IGFBP2: variants seen among roughly 807,000 people sequenced by gnomAD.
The protein encoded by IGFBP2 is insulin-like growth factor-binding protein 2.
A neutral mutation model predicts 26.2 loss-of-function variants in IGFBP2; 12 were observed. The ratio of observed to expected loss-of-function variants is 0.46; its 90% CI spans 0.29 to 0.74. IGFBP2 has a LOEUF of 0.74. Ranked by LOEUF, IGFBP2 falls within the 30% of genes least tolerant of loss-of-function variation. The probability of loss-of-function intolerance (pLI) is 0.09; values close to 1 mark genes in which losing one functional copy is unlikely to be tolerated. For missense variants in IGFBP2, 328 were observed against 441.2 expected (o/e 0.74, Z 2.30); for synonymous variants, 189 against 200.6 (o/e 0.94, Z 0.49).
intron 1 of IGFBP2, among the ~76,000 whole-genome samples, chr2:216,654,070 C>G (rs1574563687): frequency 1.3e-5 from 2 of 152,246 alleles, no homozygotes; most frequent in East Asian, 1.9e-4. Flanking sequence ...ACTTAACTCT[C>G]TTAGGCAGAA....
At chr2:216,655,096 G>A (rs1408689618) in intron 1 of IGFBP2, among the ~76,000 whole-genome samples, 1 of 152,150 alleles carries the variant, frequency 6.6e-6, no homozygotes, top group Non-Finnish European at 1.5e-5. Flanking sequence ...CACCCAGGCT[G>A]GAGTGCAGTG....
chr2:216,653,869 G>GCTA (rs1697871241), intron 1 of IGFBP2, among the ~76,000 whole-genome samples: 1 of 152,130 alleles, frequency 6.6e-6, no homozygotes. Context: ...GGGAAGAAGA[G>GCTA]CTAATGCTTA....
chr2:216,646,135 T>C (rs766956830), intron 1 of IGFBP2, among the ~76,000 whole-genome samples: 2 of 152,252 alleles, frequency 1.3e-5, no homozygotes, highest in Non-Finnish European at 2.9e-5. Flanking sequence ...TGGACATCTT[T>C]GCAGGTTTTA....
intron 1 of IGFBP2, 150 bp downstream of exon 1, chr2:216,634,115 G>A (rs1697444155): frequency 1.5e-6 from 2 of 1,306,860 alleles, no homozygotes; most frequent in Non-Finnish European, 2.0e-6. Context: ...GGACGCGGAA[G>A]TCAGGCCCGG....
intron 1 of IGFBP2, among the ~76,000 whole-genome samples, chr2:216,648,978 G>A (rs1409531515): frequency 3.9e-5 from 6 of 152,166 alleles, no homozygotes; most frequent in Admixed American, 3.9e-4. Context: ...AATAACACAA[G>A]TCTACCACCC....
intron 1 of IGFBP2, among the ~76,000 whole-genome samples, chr2:216,654,336 T>C (rs1287450112): frequency 6.6e-6 from 1 of 152,210 alleles, no homozygotes; most frequent in Non-Finnish European, 1.5e-5. Context: ...GCCCTCTCTG[T>C]AGATGCAGGC....
chr2:216,647,467 T>A (rs1361450246), intron 1 of IGFBP2, among the ~76,000 whole-genome samples: 1 of 152,190 alleles, frequency 6.6e-6, no homozygotes, highest in Non-Finnish European at 1.5e-5. Flanking sequence ...ACCAGAAGAC[T>A]TTACCCAGCA....
chr2:216,656,747 A>G (rs912589851), intron 1 of IGFBP2, among the ~76,000 whole-genome samples: 6 of 152,230 alleles, frequency 3.9e-5, no homozygotes, highest in South Asian at 2.1e-4. Context: ...TAGCCATAAT[A>G]GAGACTGTCT....
chr2:216,660,524 C>T (rs748496938), intron 1 of IGFBP2, 33 bp from the exon 2 acceptor site: 244 of 1,534,628 alleles, frequency 1.6e-4, no homozygotes, highest in Non-Finnish European at 2.1e-4. Flanking sequence ...GGAAACTGGA[C>T]CTGGAGCTTT....
intron 1 of IGFBP2, among the ~76,000 whole-genome samples, chr2:216,655,276 T>C (rs1474238734): frequency 6.6e-6 from 1 of 152,108 alleles, no homozygotes; most frequent in African/African-American, 2.4e-5. Flanking sequence ...CCAAATGTCA[T>C]CTTGAATTGT....
intron 1 of IGFBP2, among the ~76,000 whole-genome samples, chr2:216,656,492 C>T (rs1488300100): frequency 6.6e-6 from 1 of 152,254 alleles, no homozygotes; most frequent in Non-Finnish European, 1.5e-5. Flanking sequence ...GAGTGATTCT[C>T]ACCCTGGGCA....
At chr2:216,658,803 C>T (rs1697971770) in intron 1 of IGFBP2, among the ~76,000 whole-genome samples, 1 of 152,298 alleles carries the variant, frequency 6.6e-6, no homozygotes, top group Non-Finnish European at 1.5e-5. Context: ...CCACATGCCT[C>T]AGCCTCCCAA....
chr2:216,642,463 C>T (rs956481416), intron 1 of IGFBP2, among the ~76,000 whole-genome samples: 13 of 151,264 alleles, frequency 8.6e-5, no homozygotes, highest in South Asian at 2.1e-4. Context: ...CACGCCGCCA[C>T]GCTCGGCTAA....
chr2:216,642,886 G>T (rs1336493180), intron 1 of IGFBP2, among the ~76,000 whole-genome samples: 1 of 152,176 alleles, frequency 6.6e-6, no homozygotes. Context: ...CAGAGCTCTG[G>T]AGAATCCCTG....
Position 216,663,936 on chromosome 2 carries a change from C to G in IGFBP2, c.814-4C>G, listed in dbSNP as rs751948399. ...TCCTCCATGCTCTTCTCCTCTCTCC[C>G]CAGTGCAAGATGTCTCTGAACGGGC... On this transcript the variant is annotated splice_region_variant and splice_polypyrimidine_tract_variant and intron_variant, in intron 3 of 3. Coordinates refer to ENST00000233809, the MANE Select transcript of IGFBP2 (RefSeq NM_000597.3). 4.0e-5 allele frequency: 65 copies of G among 1,613,378 alleles called. No homozygotes were observed. The Middle Eastern group carries it at 4.9e-4, about 12-fold the overall frequency.
Position 216,664,290 on chromosome 2 carries a change from C to G in IGFBP2, c.*186C>G. 2.2e-6 allele frequency: 1 copy of G among 461,030 alleles called. No homozygotes were observed. Among genetic ancestry groups the G allele is most frequent in the Non-Finnish European group, 3.8e-6 (1 of 263,564 alleles). The allele number at this position is 461,030 out of a possible 1,614,324, so 28.6% of individuals were successfully genotyped here. On this transcript the variant is annotated 3_prime_UTR_variant, in exon 4 of 4. Coordinates refer to ENST00000233809, the MANE Select transcript of IGFBP2 (RefSeq NM_000597.3). The surrounding 1 kb of genome is among the most constrained non-coding windows in gnomAD (Gnocchi z 4.6). Reference sequence around the variant, plus strand: ...GCCTCTCTCTTCCCAGCTGCAGATGCCACACCTGCTCCTTCTTGCTTTCCC... The same window carrying G: ...GCCTCTCTCTTCCCAGCTGCAGATGGCACACCTGCTCCTTCTTGCTTTCCC...
At chr2:216,662,316 A>C (rs992248777) in intron 3 of IGFBP2, 12 of 339,620 alleles carry the variant, frequency 3.5e-5, no homozygotes, top group African/African-American at 2.5e-4. Flanking sequence ...TCGGACATTG[A>C]CATCACCTGG....
intron 1 of IGFBP2, among the ~76,000 whole-genome samples, chr2:216,656,822 A>G (rs1697931376): frequency 1.3e-5 from 2 of 152,212 alleles, no homozygotes; most frequent in Admixed American, 6.5e-5. Flanking sequence ...CACAGACTTC[A>G]TGTCCACAGA....
chr2:216,647,508 T>TTTTA (rs887438309), intron 1 of IGFBP2, among the ~76,000 whole-genome samples: 18 of 152,128 alleles, frequency 1.2e-4, no homozygotes, highest in Middle Eastern at 3.4e-3. Context: ...TTTGTAAAAT[T>TTTTA]TTTATTTATT....
Sources: gnomAD v4.1 joint callset for allele counts (sites outside exome capture counted in the v4.1 genomes callset) on GRCh38, gnomAD v4.1.1 for gene constraint, Gnocchi (gnomAD v3.1) non-coding constraint, MANE v1.5 for transcripts, NCBI Gene and HGNC (gene_info 2026-07-23, HGNC 2026-07-21) for gene names.